The following EYS variants were observed in gnomAD, a reference collection of about 807,000 sequenced individuals.
EYS encodes EGF-like photoreceptor maintenance factor.
In EYS, 250 loss-of-function variants were observed where a neutral mutation model predicts 282.1. The ratio of observed to expected loss-of-function variants is 0.89; its 90% CI spans 0.80 to 0.98. The LOEUF is 0.98. Ranked by LOEUF, EYS falls within the 50% of genes least tolerant of loss-of-function variation. The pLI is 0.00. For synonymous variants in EYS, 1,355 were observed against 1,282.9 expected (o/e 1.06, Z -1.20); for missense variants, 4,016 against 3,709.0 (o/e 1.08, Z -2.15).
At chr6:64,187,949 T>C (rs933433233) in intron 31 of EYS, among the ~76,000 whole-genome samples, 9 of 152,108 alleles carry the variant, frequency 5.9e-5, no homozygotes, top group African/African-American at 2.2e-4. Flanking sequence ...TTGTGTATTC[T>C]GAAAACAGCA....
At chr6:64,645,851 G>T (rs561881411) in intron 22 of EYS, among the ~76,000 whole-genome samples, 1 of 152,034 alleles carries the variant, frequency 6.6e-6, no homozygotes, top group Non-Finnish European at 1.5e-5. Flanking sequence ...AGTGCAACAG[G>T]CATATTGTTG....
At chr6:64,480,110 T>C (rs556383270) in intron 26 of EYS, among the ~76,000 whole-genome samples, 69 of 151,996 alleles carry the variant, frequency 4.5e-4, no homozygotes, top group African/African-American at 1.6e-3. Flanking sequence ...AAAAATGTTA[T>C]TTCATTCACT....
chr6:64,388,772 A>G lies in EYS; in HGVS notation c.5996T>C (p.Ile1999Thr). ...LGRNTQICES[I>T]NHVLGKPLPK... Reference sequence around the variant, plus strand: ...CAGGGGTTTTCCGAGTACATGATTGATAGATTCGCATATTTGTGTATTCCT... The same window carrying G: ...CAGGGGTTTTCCGAGTACATGATTGGTAGATTCGCATATTTGTGTATTCCT... The change falls in exon 29 of 43, where the codon ATC becomes ACC. Residue 1999 changes from isoleucine to threonine, a missense_variant. By Grantham distance (89) the Ile-to-Thr change is moderately conservative. Coordinates refer to ENST00000503581, the MANE Select transcript of EYS (RefSeq NM_001142800.2). The G allele has an allele frequency of 6.5e-7, 1 of 1,545,150 alleles. No homozygotes were observed. The highest frequency in any genetic ancestry group is 8.7e-7 in the Non-Finnish European group (1 of 1,143,746).
At chr6:65,249,193 T>C (rs1252138940) in intron 12 of EYS, among the ~76,000 whole-genome samples, 1 of 151,850 alleles carries the variant, frequency 6.6e-6, no homozygotes, top group Non-Finnish European at 1.5e-5. Flanking sequence ...CTAAACCATA[T>C]TATGAAGAAT....
intron 31 of EYS, among the ~76,000 whole-genome samples, chr6:64,207,317 C>A (rs1190492941): frequency 6.6e-6 from 1 of 151,908 alleles, no homozygotes; most frequent in Non-Finnish European, 1.5e-5. Context: ...ACACAAAGGC[C>A]CTCAACAGAC....
chr6:65,382,425 C>T (rs1449537066), intron 8 of EYS, among the ~76,000 whole-genome samples: 1 of 135,106 alleles, frequency 7.4e-6, no homozygotes, highest in East Asian at 2.2e-4. Flanking sequence ...CAGAAATTTC[C>T]CCGTGGATCT....
chr6:65,605,521 A>G (rs1428519133), intron 2 of EYS, among the ~76,000 whole-genome samples: 1 of 151,954 alleles, frequency 6.6e-6, no homozygotes, highest in East Asian at 1.9e-4. Flanking sequence ...TAATGACATT[A>G]CCTTTGATTC....
At chr6:64,792,877 T>TGTGTGTGTGTGTGTGTG (rs1562194593) in intron 22 of EYS, among the ~76,000 whole-genome samples, 2 of 151,910 alleles carry the variant, frequency 1.3e-5, no homozygotes, top group African/African-American at 2.4e-5. Context: ...TGTGTGTGTG[T>TGTGTGTGTGTGTGTGTG]TAGATGTAAC....
At chr6:64,284,017 C>T (rs1179630583) in intron 30 of EYS, among the ~76,000 whole-genome samples, 2 of 152,086 alleles carry the variant, frequency 1.3e-5, no homozygotes, top group Non-Finnish European at 2.9e-5. Context: ...CATATCATTC[C>T]ACCCCTGGCC....
rs1247331097 is a variant in EYS at position 65,110,651 on chromosome 6, T to C, written c.2024-52924A>G. Among the ~76,000 whole-genome samples the C allele has an allele frequency of 2.0e-5, 3 of 152,082 alleles. No individual in the cohort carries two copies. In the East Asian group the frequency reaches 5.8e-4, roughly 29 times the overall value. Reference sequence around the variant, plus strand: ...TTTTTTTAAGCCAAAGATGCAAACATTCATCATATTAAAGTACATATTTTA... The same window carrying C: ...TTTTTTTAAGCCAAAGATGCAAACACTCATCATATTAAAGTACATATTTTA... On this transcript the variant is annotated intron_variant, in intron 12 of 42. Transcript: ENST00000503581.
At chr6:64,221,868 G>A (rs1297053750) in intron 31 of EYS, among the ~76,000 whole-genome samples, 2 of 151,984 alleles carry the variant, frequency 1.3e-5, no homozygotes, top group African/African-American at 4.8e-5. Flanking sequence ...TGGATATAGG[G>A]CTTGGTATTA....
intron 1 of EYS, among the ~76,000 whole-genome samples, chr6:65,693,237 T>C (rs1020396437): frequency 1.3e-5 from 2 of 149,660 alleles, no homozygotes; most frequent in Non-Finnish European, 3.0e-5. Context: ...CCTCCCTTTT[T>C]CCTCTCTCTT....
chr6:63,780,213 T>C (rs968095310), intron 39 of EYS, among the ~76,000 whole-genome samples: 2 of 152,252 alleles, frequency 1.3e-5, no homozygotes, highest in Admixed American at 6.5e-5. Context: ...AACATACGTG[T>C]GCATGTGTCT....
At chr6:65,358,049 A>C (rs891592133) in intron 8 of EYS, among the ~76,000 whole-genome samples, 49 of 152,044 alleles carry the variant, frequency 3.2e-4, no homozygotes, top group African/African-American at 1.1e-3. Context: ...CAGCGACCTC[A>C]GGTACTACGG....
At chr6:64,094,268 A>G (rs1772493140) in intron 31 of EYS, among the ~76,000 whole-genome samples, 1 of 152,066 alleles carries the variant, frequency 6.6e-6, no homozygotes, top group Non-Finnish European at 1.5e-5. Flanking sequence ...TGCTGGCCTT[A>G]TAAAACAAGT....
intron 1 of EYS, among the ~76,000 whole-genome samples, chr6:65,697,583 T>C (rs1290146271): frequency 4.6e-5 from 7 of 151,980 alleles, no homozygotes; most frequent in African/African-American, 1.4e-4. Flanking sequence ...GACAGAAGCA[T>C]TCTTTTCAAT....
chr6:65,261,606 A>T (rs1185706200), intron 12 of EYS, among the ~76,000 whole-genome samples: 1 of 152,078 alleles, frequency 6.6e-6, no homozygotes, highest in East Asian at 1.9e-4. Context: ...AACTATGTAT[A>T]GATAAAAAAT....
intron 12 of EYS, among the ~76,000 whole-genome samples, chr6:65,206,074 A>G (rs1403529106): frequency 2.0e-5 from 3 of 151,850 alleles, no homozygotes; most frequent in African/African-American, 7.2e-5. Flanking sequence ...TAAAAATGAT[A>G]CAAAAGATCA....
chr6:64,842,673 T>C (rs1450621489), intron 19 of EYS, among the ~76,000 whole-genome samples: 2 of 152,118 alleles, frequency 1.3e-5, no homozygotes, highest in African/African-American at 2.4e-5. Flanking sequence ...TGACTCTTGC[T>C]ACATTTTAGC....
Sources: allele counts gnomAD v4.1 joint callset (sites outside exome capture counted in the v4.1 genomes callset), GRCh38; gene constraint gnomAD v4.1.1; transcripts MANE v1.5; gene names NCBI Gene and HGNC (gene_info 2026-07-23, HGNC 2026-07-21).